FERMT1: variants seen among roughly 807,000 people sequenced by gnomAD.
The protein encoded by FERMT1 is fermitin family homolog 1.
A neutral mutation model predicts 85.3 loss-of-function variants in FERMT1; 60 were observed. The ratio of observed to expected loss-of-function variants is 0.70; its 90% confidence interval spans 0.57 to 0.87. The LOEUF (loss-of-function observed/expected upper bound fraction) is 0.87. Ranked by LOEUF, FERMT1 falls within the 40% of genes least tolerant of loss-of-function variation. The probability of loss-of-function intolerance (pLI) is 0.00; values close to 1 mark genes in which losing one functional copy is unlikely to be tolerated. For missense variants in FERMT1, 701 were observed against 818.9 expected, an observed-to-expected ratio of 0.86 and a Z score of 1.76; for synonymous variants, 275 against 301.1, an observed-to-expected ratio of 0.91 and a Z score of 0.90.
intron 9 of FERMT1, among the ~76,000 whole-genome samples, chr20:6,089,589 G>A (rs529299815): frequency 9.2e-5 from 14 of 152,112 alleles, no homozygotes; most frequent in Non-Finnish European, 1.2e-4. Context: ...CAAGCTTCAG[G>A]TTACCATACA....
chr20:6,096,390 T>G (rs1477616039), intron 8 of FERMT1, among the ~76,000 whole-genome samples: 3 of 152,034 alleles, frequency 2.0e-5, no homozygotes, highest in African/African-American at 7.2e-5. Flanking sequence ...CCAGGCACAG[T>G]AGTGTGTGTC....
chr20:6,084,655 AT>A (rs1039759094), intron 12 of FERMT1, among the ~76,000 whole-genome samples: 1 of 150,938 alleles, frequency 6.6e-6, no homozygotes, highest in South Asian at 2.1e-4. Context: ...GCATCAACTG[AT>A]TTTTTCATGA....
rs767150070 is a variant in FERMT1, at chr20:6,119,356, C to T, written c.151+48G>A. Reference sequence around the variant, plus strand: ...ACACCAGCCATTAGTGGTGATGCACCAGACAGGGTTTCTAATACAGAGAAA... The same window carrying T: ...ACACCAGCCATTAGTGGTGATGCACTAGACAGGGTTTCTAATACAGAGAAA... On this transcript the variant is annotated intron_variant, in intron 2 of 14. Transcript: ENST00000217289. 18 of 1,596,794 alleles carry T rather than the reference C, an allele frequency of 1.1e-5. No individual in the cohort carries two copies. In the African/African-American group the frequency reaches 1.7e-4, roughly 15 times the overall value.
At chr20:6,103,629 C>T (rs944275022) in intron 6 of FERMT1, among the ~76,000 whole-genome samples, 12 of 152,042 alleles carry the variant, frequency 7.9e-5, no homozygotes, top group African/African-American at 2.9e-4. Flanking sequence ...TTTCTATGAA[C>T]TATATATTTA....
At position 6,107,644 on chromosome 20, in the gene FERMT1, G is replaced by A; in HGVS notation, c.747-10C>T. The A allele has an allele frequency of 6.6e-7, 1 of 1,524,578 alleles. No individual in the cohort carries two copies. Among genetic ancestry groups the A allele is most frequent in the Non-Finnish European group, 9.1e-7 (1 of 1,099,164 alleles). The allele number at this position is 1,524,578 out of a possible 1,614,324, so 94.4% of individuals were successfully genotyped here. A position where few individuals can be genotyped will look rare whatever the true frequency, so the allele number is the denominator to read the frequency against. On this transcript the variant is annotated splice_polypyrimidine_tract_variant and intron_variant, in intron 5 of 14. Coordinates refer to ENST00000217289, the MANE Select transcript of FERMT1 (RefSeq NM_017671.5). Reference sequence around the variant, plus strand: ...TGAGGAGTCTAGCCAACTAGAAAATGACAGCATGAGTTTTAGAAGCCAGTC... The same window carrying A: ...TGAGGAGTCTAGCCAACTAGAAAATAACAGCATGAGTTTTAGAAGCCAGTC...
At chr20:6,110,657 G>GGCCC (rs1430104857) in intron 4 of FERMT1, 146 bp from the exon 5 acceptor site, 1 of 707,476 alleles carries the variant, frequency 1.4e-6, no homozygotes, top group Non-Finnish European at 2.5e-6. Context: ...TGGGCACTGT[G>GGCCC]GCCCGCGTCT....
chr20:6,085,647 C>T (rs1046700397), intron 11 of FERMT1, among the ~76,000 whole-genome samples: 22 of 152,076 alleles, frequency 1.4e-4, no homozygotes, highest in African/African-American at 5.1e-4. Flanking sequence ...GTCAGGAGTT[C>T]GAGACCAGTC....
At chr20:6,081,084 T>A (rs755402335) in intron 13 of FERMT1, among the ~76,000 whole-genome samples, 9 of 151,840 alleles carry the variant, frequency 5.9e-5, no homozygotes, top group Admixed American at 1.3e-4. Context: ...GCCAAGAGAT[T>A]GAGAGCAGCC....
intron 11 of FERMT1, among the ~76,000 whole-genome samples, chr20:6,086,867 A>G (rs1982201885): frequency 6.6e-6 from 1 of 152,060 alleles, no homozygotes; most frequent in Admixed American, 6.6e-5. Flanking sequence ...GAGTCAATTA[A>G]ACCTCTTTTC....
At chr20:6,106,304 A>T (rs1982795392) in intron 6 of FERMT1, among the ~76,000 whole-genome samples, 1 of 152,136 alleles carries the variant, frequency 6.6e-6, no homozygotes, top group Non-Finnish European at 1.5e-5. Flanking sequence ...TGTTTTGAAG[A>T]TGGCAGTTGG....
At chr20:6,091,546 T>C (rs1429654399) in intron 9 of FERMT1, among the ~76,000 whole-genome samples, 2 of 152,188 alleles carry the variant, frequency 1.3e-5, no homozygotes, top group Non-Finnish European at 2.9e-5. Flanking sequence ...CTAAGGAACA[T>C]ATTGTTGTTT....
At position 6,075,156 on chromosome 20, in the gene FERMT1, A is replaced by G. The variant is rs1981780718; in HGVS notation, c.*2017T>C. On this transcript the variant is annotated 3_prime_UTR_variant, in exon 15 of 15. Coordinates refer to ENST00000217289, the MANE Select transcript of FERMT1 (RefSeq NM_017671.5). The stretch of plus-strand genomic sequence containing the variant: ...TAACCAAACAAAGTTTGGTTAAAAC[A>G]AAGTTGGTTCCTTTGTTTTCATGGA... 6.6e-6 allele frequency: 1 copy of G among 152,150 alleles called. No individual in the cohort carries two copies. Among genetic ancestry groups the G allele is most frequent in the African/African-American group, 2.4e-5 (1 of 41,380 alleles). 9.4% of individuals were successfully genotyped at this position (152,150 alleles called of 1,614,324 possible). A position where few individuals can be genotyped will look rare whatever the true frequency, so the allele number is the denominator to read the frequency against.
Position 6,115,947 on chromosome 20 carries a change from C to T in FERMT1, c.249G>A (p.Gln83=). ...GGGTGAAGAGAAGCTTTGCATCTGC[C>T]TGGACCCCATATTTGTCCAGGGTCC... ...THWTLDKYGV[Q]ADAKLLFTPQ... is the part of the protein sequence containing the mutation. The change falls in exon 3 of 15, where the codon CAG becomes CAA. Residue 83 remains glutamine (Q), a synonymous_variant. Coordinates refer to ENST00000217289, the MANE Select transcript of FERMT1 (RefSeq NM_017671.5). The T allele has an allele frequency of 1.2e-6, 2 of 1,614,210 alleles. No individual in the cohort carries two copies. Among genetic ancestry groups the T allele is most frequent in the Non-Finnish European group, 1.7e-6 (2 of 1,180,034 alleles).
intron 3 of FERMT1, among the ~76,000 whole-genome samples, chr20:6,113,063 T>C (rs1215788508): frequency 6.6e-6 from 1 of 152,048 alleles, no homozygotes; most frequent in Non-Finnish European, 1.5e-5. Flanking sequence ...TCCCATGTGT[T>C]GTCAGAGGGG....
At position 6,107,547 on chromosome 20, in the gene FERMT1, G is replaced by A. The variant is rs775613961; in HGVS notation, c.834C>T (p.Phe278=). Residue 278 remains phenylalanine (F), a synonymous_variant, in exon 6 of 15, where the codon TTC becomes TTT. Transcript: ENST00000217289. The part of the protein sequence containing the change: ...LLLRFKYYSF[F]DLNPKYDAVR... ...AGTTGCTTACTTTAGGATTCAAGTC[G>A]AAGAAAGAATAATATTTAAATCGTA... The A allele has an allele frequency of 6.8e-6, 11 of 1,608,372 alleles. No homozygotes were observed. The highest frequency in any genetic ancestry group is 3.3e-5 in the Admixed American group (2 of 59,928).
intron 9 of FERMT1, among the ~76,000 whole-genome samples, chr20:6,092,829 A>T (rs1344993163): frequency 2.6e-5 from 4 of 151,958 alleles, no homozygotes; most frequent in Admixed American, 1.3e-4. Flanking sequence ...AACCATGACA[A>T]CCTGTCTCTA....
At chr20:6,096,489 A>C (rs3761879) in intron 8 of FERMT1, among the ~76,000 whole-genome samples, 11,796 of 152,120 alleles carry the variant, frequency 0.078, 1,029 homozygotes, top group East Asian at 0.47. Context: ...TGCACTACTG[A>C]TTGTCTCAGA....
intron 9 of FERMT1, among the ~76,000 whole-genome samples, chr20:6,093,839 C>A (rs1982429659): frequency 6.6e-6 from 1 of 152,088 alleles, no homozygotes; most frequent in East Asian, 1.9e-4. Flanking sequence ...ACCTGTAATC[C>A]CAGCTACTCG....
rs550959638 is a variant in FERMT1 at position 6,106,166 on chromosome 20, C to T, written c.849+1366G>A. Among the ~76,000 whole-genome samples, 288 of 152,218 alleles carry T rather than the reference C, an allele frequency of 1.9e-3. 3 individuals carry two copies. Among genetic ancestry groups the T allele is most frequent in the Middle Eastern group, 6.8e-3 (2 of 294 alleles). ...CAGTAATTTCTCCTGGAGATTTTAT[C>T]GAAGAAAAGCCAAAATTTGCCCTTT... On this transcript the variant is annotated intron_variant, in intron 6 of 14. Coordinates refer to ENST00000217289, the MANE Select transcript of FERMT1 (RefSeq NM_017671.5).
Sources: gnomAD v4.1 joint callset for allele counts (sites outside exome capture counted in the v4.1 genomes callset) on GRCh38, gnomAD v4.1.1 for gene constraint, MANE v1.5 for transcripts, NCBI Gene and HGNC (gene_info 2026-07-23, HGNC 2026-07-21) for gene names.